DUSP10: variants seen among roughly 807,000 people sequenced by gnomAD.
The protein encoded by DUSP10 is dual specificity phosphatase 10, also known as dual specificity protein phosphatase 10.
DUSP10 carries 14 observed loss-of-function variants against 30.8 expected under a neutral mutation model. That is an observed-to-expected ratio of 0.46 (90% confidence interval 0.30 to 0.71). The LOEUF is 0.71. Among genes scored for constraint, DUSP10 ranks in the 30% least tolerant of loss-of-function variants. DUSP10 has a pLI of 0.08. For missense variants in DUSP10, 550 were observed against 619.4 expected (o/e 0.89, Z 1.19); for synonymous variants, 254 against 250.4 (o/e 1.01, Z -0.14).
Position 221,701,502 on chromosome 1 carries a change from A to G in DUSP10, c.*910T>C, listed in dbSNP as rs1660604274. On this transcript the variant is annotated 3_prime_UTR_variant, in exon 4 of 4. Transcript: ENST00000366899. ...CCAAGATTTTTTTTTTTTTTGCGAAAAATATTTTTAAATAAATTTTTTTTT... is the reference window on the plus strand; with the variant it reads ...CCAAGATTTTTTTTTTTTTTGCGAAGAATATTTTTAAATAAATTTTTTTTT... 6.6e-6 allele frequency: 1 copy of G among 150,772 alleles called. No homozygotes were observed. The highest frequency in any genetic ancestry group is 2.1e-4 in the South Asian group (1 of 4,790). 9.3% of individuals were successfully genotyped at this position (150,772 alleles called of 1,614,324 possible).
chr1:221,738,782 C>G lies in DUSP10; in HGVS notation c.811+152G>C, dbSNP rs573978162. The G allele has an allele frequency of 2.1e-5, 22 of 1,072,864 alleles. 1 individual carries two copies. In the South Asian group the frequency reaches 3.0e-4, roughly 15 times the overall value. 66.5% of individuals were successfully genotyped at this position (1,072,864 alleles called of 1,614,324 possible). A position where few individuals can be genotyped will look rare whatever the true frequency, so the allele number is the denominator to read the frequency against. The stretch of plus-strand genomic sequence containing the variant: ...TGCTGCTGGGTTTTTCTTACTAAAC[C>G]AAAACAATAAAGAGCATAGAAGGGA... On this transcript the variant is annotated intron_variant, in intron 2 of 3. Coordinates refer to ENST00000366899, the MANE Select transcript of DUSP10 (RefSeq NM_007207.6).
intron 2 of DUSP10, among the ~76,000 whole-genome samples, chr1:221,712,728 T>C (rs549547959): frequency 1.5e-5 from 2 of 129,362 alleles, no homozygotes; most frequent in South Asian, 4.6e-4. Context: ...TCTACAGATA[T>C]ATCTTAAAAG....
At chr1:221,718,468 A>T (rs1661184181) in intron 2 of DUSP10, among the ~76,000 whole-genome samples, 1 of 152,186 alleles carries the variant, frequency 6.6e-6, no homozygotes, top group Non-Finnish European at 1.5e-5. Flanking sequence ...AGGGGGAAAA[A>T]TCCATGAGAT....
chr1:221,711,263 G>A (rs1268446379), intron 2 of DUSP10, among the ~76,000 whole-genome samples: 3 of 152,174 alleles, frequency 2.0e-5, no homozygotes, highest in East Asian at 3.8e-4. Flanking sequence ...GAAGCAATGC[G>A]CTGGGTTGTG....
chr1:221,717,829 A>G (rs902578033), intron 2 of DUSP10, among the ~76,000 whole-genome samples: 3 of 152,146 alleles, frequency 2.0e-5, no homozygotes, highest in Non-Finnish European at 4.4e-5. Context: ...CCAATCTTGA[A>G]CTTACAGCCT....
At chr1:221,715,007 G>A (rs1315227503) in intron 2 of DUSP10, among the ~76,000 whole-genome samples, 1 of 152,152 alleles carries the variant, frequency 6.6e-6, no homozygotes, top group African/African-American at 2.4e-5. Flanking sequence ...ATAATTAGCA[G>A]TGTGCTTTCT....
intron 1 of DUSP10, among the ~76,000 whole-genome samples, 182 bp downstream of exon 1, chr1:221,741,799 C>A (rs1026844683): frequency 6.6e-5 from 10 of 152,084 alleles, no homozygotes; most frequent in Middle Eastern, 3.4e-3. Flanking sequence ...AACCTTATAA[C>A]CCTACCTGCT....
chr1:221,732,061 G>T (rs975798722), intron 2 of DUSP10, among the ~76,000 whole-genome samples: 28 of 152,338 alleles, frequency 1.8e-4, no homozygotes, highest in African/African-American at 6.7e-4. Flanking sequence ...AGATGGAAAG[G>T]ATCTGGAAGA....
intron 2 of DUSP10, among the ~76,000 whole-genome samples, chr1:221,734,865 C>T (rs1010266550): frequency 3.3e-5 from 5 of 152,142 alleles, no homozygotes; most frequent in Admixed American, 3.3e-4. Flanking sequence ...TTTTAAAATC[C>T]TCATAACATC....
rs145531779 is a variant in DUSP10, at chr1:221,733,118, T to C, written c.811+5816A>G. Among the ~76,000 whole-genome samples the C allele has an allele frequency of 5.3e-3, 800 of 152,372 alleles. 14 individuals are homozygous for C. The East Asian group carries it at 0.061, about 12-fold the overall frequency. On this transcript the variant is annotated intron_variant, in intron 2 of 3. Coordinates refer to ENST00000366899, the MANE Select transcript of DUSP10 (RefSeq NM_007207.6). ...GCTGGGGCTTGGAGGTTCTGGCTTCTGATAATGCAGGGTTTAAGGAACTAG... is the reference window on the plus strand; with the variant it reads ...GCTGGGGCTTGGAGGTTCTGGCTTCCGATAATGCAGGGTTTAAGGAACTAG...
At chr1:221,705,399 C>T (rs539212825) in intron 3 of DUSP10, among the ~76,000 whole-genome samples, 1 of 152,200 alleles carries the variant, frequency 6.6e-6, no homozygotes, top group South Asian at 2.1e-4. Flanking sequence ...GCATGAGCCA[C>T]CGCGCCCGGC....
chr1:221,739,619 G>A lies in DUSP10; in HGVS notation c.126C>T (p.His42=), dbSNP rs759539849. 3 of 1,614,186 alleles carry A rather than the reference G, an allele frequency of 1.9e-6. No individual in the cohort carries two copies. Among genetic ancestry groups the A allele is most frequent in the African/African-American group, 2.7e-5 (2 of 75,022 alleles). ...CAACGGTGGTGGCGATGACAGGAGG[G>A]TGGCTGTTACTGCCTGGGTTGGCAG... ...LGSANPGSNS[H]PPVIATTVVS... The change falls in exon 2 of 4, where the codon CAC becomes CAT. Residue 42 remains histidine, a synonymous_variant. Coordinates refer to ENST00000366899, the MANE Select transcript of DUSP10 (RefSeq NM_007207.6).
chr1:221,740,211 G>T (rs1212726822), intron 1 of DUSP10, among the ~76,000 whole-genome samples: 1 of 152,212 alleles, frequency 6.6e-6, no homozygotes, highest in African/African-American at 2.4e-5. Flanking sequence ...ACCCTTGCAT[G>T]CTTGCCATTT....
intron 2 of DUSP10, among the ~76,000 whole-genome samples, chr1:221,714,051 A>C (rs768115400): frequency 1.3e-5 from 2 of 152,180 alleles, no homozygotes; most frequent in Non-Finnish European, 2.9e-5. Context: ...AGTATTTAGT[A>C]ATGTTTTAAG....
rs1044954623 is a variant in DUSP10 at position 221,708,452 on chromosome 1, A to G, written c.812-1986T>C. On this transcript the variant is annotated intron_variant, in intron 2 of 3. Coordinates refer to ENST00000366899, the MANE Select transcript of DUSP10 (RefSeq NM_007207.6). ...TTTCCTTAAGGTATGGTTATGATCC[A>G]AAGAAAACTCAAAGGGCAATATTAT... 3.3e-5 allele frequency among the ~76,000 whole-genome samples: 5 copies of G among 152,242 alleles called. 1 individual carries two copies. The highest frequency in any genetic ancestry group is 4.1e-4 in the South Asian group (2 of 4,834).
chr1:221,738,675 C>T (rs4846349), intron 2 of DUSP10, among the ~76,000 whole-genome samples: 35,150 of 152,068 alleles, frequency 0.23, 4,936 homozygotes, highest in East Asian at 0.45. Flanking sequence ...GAAAACAGTC[C>T]CAGAGAGGTG....
chr1:221,712,777 CAAAAAA>C (rs58249338), intron 2 of DUSP10, among the ~76,000 whole-genome samples: 19 of 56,928 alleles, frequency 3.3e-4, no homozygotes, highest in Middle Eastern at 0.016. Flanking sequence ...TATAAAGCAG[CAAAAAA>C]AAAAAAAAAA....
chr1:221,710,218 A>G (rs1320662722), intron 2 of DUSP10, among the ~76,000 whole-genome samples: 1 of 152,216 alleles, frequency 6.6e-6, no homozygotes, highest in African/African-American at 2.4e-5. Flanking sequence ...CTAAATTCCA[A>G]CAGATCTATG....
At chr1:221,714,059 A>C (rs897986604) in intron 2 of DUSP10, among the ~76,000 whole-genome samples, 31 of 152,158 alleles carry the variant, frequency 2.0e-4, no homozygotes, top group African/African-American at 6.3e-4. Flanking sequence ...GTAATGTTTT[A>C]AGAGAAAAAA....
Sources: allele counts gnomAD v4.1 joint callset (sites outside exome capture counted in the v4.1 genomes callset), GRCh38; gene constraint gnomAD v4.1.1; transcripts MANE v1.5; gene names NCBI Gene and HGNC (gene_info 2026-07-23, HGNC 2026-07-21).